The following DLGAP2 variants were observed in gnomAD, a reference collection of about 807,000 sequenced individuals.
The protein encoded by DLGAP2 is disks large-associated protein 2.
In DLGAP2, 26 loss-of-function variants were observed where a neutral mutation model predicts 100.3. The ratio of observed to expected loss-of-function variants is 0.26; its 90% CI spans 0.19 to 0.36. The LOEUF is 0.36. DLGAP2 is among the 10% of genes least tolerant of loss of function. The probability of loss-of-function intolerance (pLI) is 1.00; values close to 1 mark genes in which losing one functional copy is unlikely to be tolerated. For missense variants in DLGAP2, 1,858 were observed against 1,453.2 expected, an observed-to-expected ratio of 1.28 and a Z score of -4.53; for synonymous variants, 886 against 630.1, an observed-to-expected ratio of 1.41 and a Z score of -6.08.
intron 4 of DLGAP2, among the ~76,000 whole-genome samples, chr8:1,531,172 T>C (rs1163676941): frequency 6.6e-6 from 1 of 151,966 alleles, no homozygotes; most frequent in African/African-American, 2.4e-5. Flanking sequence ...CCCTCCCCGC[T>C]AAAAAAGCAG....
At chr8:1,580,380 GA>G (rs564202074) in intron 6 of DLGAP2, among the ~76,000 whole-genome samples, 27 of 152,308 alleles carry the variant, frequency 1.8e-4, no homozygotes, top group African/African-American at 6.5e-4. Flanking sequence ...ACATAACGAA[GA>G]AATCAGTGAC....
intron 8 of DLGAP2, 69 bp from the exon 9 acceptor site, chr8:1,668,260 G>T: frequency 1.4e-6 from 2 of 1,386,676 alleles, no homozygotes; most frequent in Non-Finnish European, 1.9e-6. Flanking sequence ...CATGGGCGTG[G>T]GGAAACAGTA....
At chr8:829,127 C>T (rs1258160946) in intron 1 of DLGAP2, among the ~76,000 whole-genome samples, 1 of 152,176 alleles carries the variant, frequency 6.6e-6, no homozygotes, top group Non-Finnish European at 1.5e-5. Flanking sequence ...CTAGTGTTTT[C>T]TTCCATTTCT....
chr8:877,908 C>T (rs887046487), intron 1 of DLGAP2, among the ~76,000 whole-genome samples: 23 of 152,238 alleles, frequency 1.5e-4, no homozygotes, highest in African/African-American at 4.1e-4. Flanking sequence ...CAAGTGGAGT[C>T]TCTTGACTTT....
At chr8:1,258,171 C>T (rs998994577) in intron 2 of DLGAP2, among the ~76,000 whole-genome samples, 13 of 152,198 alleles carry the variant, frequency 8.5e-5, no homozygotes, top group African/African-American at 3.1e-4. Flanking sequence ...TACAGATTTG[C>T]TCATAACTTT....
At chr8:854,428 C>T (rs797022445) in intron 1 of DLGAP2, among the ~76,000 whole-genome samples, 19 of 152,266 alleles carry the variant, frequency 1.2e-4, no homozygotes, top group African/African-American at 4.1e-4. Flanking sequence ...AGGCTGGAGG[C>T]TGCAGTCTGA....
intron 2 of DLGAP2, among the ~76,000 whole-genome samples, chr8:1,174,241 TAA>T (rs1180141478): frequency 1.3e-5 from 2 of 152,028 alleles, no homozygotes; most frequent in Admixed American, 6.6e-5. Flanking sequence ...GGGAATGTGA[TAA>T]GTCTACCCAC....
At chr8:1,222,335 A>C (rs1798331163) in intron 2 of DLGAP2, among the ~76,000 whole-genome samples, 1 of 152,156 alleles carries the variant, frequency 6.6e-6, no homozygotes, top group South Asian at 2.1e-4. Context: ...TATTTCTGGA[A>C]GATTTCAAGG....
intron 2 of DLGAP2, among the ~76,000 whole-genome samples, chr8:1,217,445 A>G (rs1289307559): frequency 6.6e-6 from 1 of 152,144 alleles, no homozygotes; most frequent in African/African-American, 2.4e-5. Context: ...TTTTGGTAGA[A>G]TGATTTATAT....
chr8:1,583,904 G>A lies in DLGAP2; in HGVS notation c.1442+18010G>A, dbSNP rs1409672719. 3.9e-5 allele frequency among the ~76,000 whole-genome samples: 6 copies of A among 152,114 alleles called. No homozygotes were observed. In the East Asian group the frequency reaches 7.8e-4, roughly 20 times the overall value. On this transcript the variant is annotated intron_variant, in intron 6 of 14. Coordinates refer to ENST00000637795, the MANE Select transcript of DLGAP2 (RefSeq NM_001346810.2). Reference sequence around the variant, plus strand: ...CAATTTTCTTCCTCCTCGCTCCTCTGACTTGAAGTCGGCTGTTCACCGTCT... The same window carrying A: ...CAATTTTCTTCCTCCTCGCTCCTCTAACTTGAAGTCGGCTGTTCACCGTCT...
At chr8:1,561,354 G>A (rs1211522812) in intron 5 of DLGAP2, among the ~76,000 whole-genome samples, 4 of 152,070 alleles carry the variant, frequency 2.6e-5, no homozygotes, top group East Asian at 1.9e-4. Context: ...CTTTGAACAC[G>A]TGCAGACCTG....
chr8:1,660,099 A>G (rs1037798445), intron 8 of DLGAP2, among the ~76,000 whole-genome samples: 4 of 151,996 alleles, frequency 2.6e-5, no homozygotes, highest in African/African-American at 7.3e-5. Context: ...TCCTTCACTT[A>G]TTTAGTTTGT....
chr8:1,339,562 A>T (rs758054212), intron 3 of DLGAP2, among the ~76,000 whole-genome samples: 1 of 152,214 alleles, frequency 6.6e-6, no homozygotes, highest in Non-Finnish European at 1.5e-5. Context: ...AGTAGTCTTC[A>T]GTATTTCTCA....
intron 3 of DLGAP2, among the ~76,000 whole-genome samples, chr8:1,427,995 T>C (rs1367977505): frequency 6.6e-6 from 1 of 152,052 alleles, no homozygotes; most frequent in Non-Finnish European, 1.5e-5. Context: ...GCAACTTAGA[T>C]TGCAACCTTA....
rs138408067 is a variant in DLGAP2 at position 1,472,316 on chromosome 8, CA to C, written c.107-29049del. On this transcript the variant is annotated intron_variant, in intron 3 of 14. Coordinates refer to ENST00000637795, the MANE Select transcript of DLGAP2 (RefSeq NM_001346810.2). The stretch of plus-strand genomic sequence containing the variant: ...GAGAGGACGCAGCTGGGAGGGAGGC[CA>C]GGGGCGCAGGTGCCATCATCCCTTC... Among the ~76,000 whole-genome samples the C allele has an allele frequency of 1.0e-2, 1,516 of 152,326 alleles. 24 individuals are homozygous for C. The highest frequency in any genetic ancestry group is 0.035 in the African/African-American group (1,452 of 41,572).
At chr8:1,597,953 CA>C (rs1433574542) in intron 6 of DLGAP2, among the ~76,000 whole-genome samples, 2 of 152,156 alleles carry the variant, frequency 1.3e-5, no homozygotes, top group Non-Finnish European at 2.9e-5. Flanking sequence ...TGCCAGTTTT[CA>C]AAGGGAATGC....
Position 1,565,505 on chromosome 8 carries a change from C to T in DLGAP2, c.1231-178C>T, listed in dbSNP as rs966827204. On this transcript the variant is annotated intron_variant, in intron 5 of 14. Transcript: ENST00000637795. ...ATCACTTATAATGAAGAAAAACCAACATTTTTATATTCATTTCCTTTTAGG... is the reference window on the plus strand; with the variant it reads ...ATCACTTATAATGAAGAAAAACCAATATTTTTATATTCATTTCCTTTTAGG... The T allele has an allele frequency of 4.6e-5, 26 of 570,408 alleles. No individual in the cohort carries two copies. The African/African-American group carries it at 4.9e-4, about 11-fold the overall frequency. 35.3% of individuals were successfully genotyped at this position (570,408 alleles called of 1,614,324 possible). A position where few individuals can be genotyped will look rare whatever the true frequency, so the allele number is the denominator to read the frequency against.
intron 3 of DLGAP2, among the ~76,000 whole-genome samples, chr8:1,418,209 T>C (rs1192233808): frequency 6.6e-6 from 1 of 152,234 alleles, no homozygotes; most frequent in Non-Finnish European, 1.5e-5. Flanking sequence ...AGAATGATGA[T>C]GTAACTGTCT....
At chr8:1,412,396 C>T (rs1206930672) in intron 3 of DLGAP2, among the ~76,000 whole-genome samples, 3 of 152,226 alleles carry the variant, frequency 2.0e-5, no homozygotes, top group Non-Finnish European at 4.4e-5. Flanking sequence ...AAAAGGTTCT[C>T]AGAGTCTCAC....
Sources: allele counts gnomAD v4.1 joint callset (sites outside exome capture counted in the v4.1 genomes callset), GRCh38; gene constraint gnomAD v4.1.1; transcripts MANE v1.5; gene names NCBI Gene and HGNC (gene_info 2026-07-23, HGNC 2026-07-21).